NRXN3: variants seen among roughly 807,000 people sequenced by gnomAD.
NRXN3 encodes the protein neurexin 3, also known as neurexin III.
Under a neutral mutation model 137.6 loss-of-function variants are expected in NRXN3, and 32 were observed. The observed-to-expected ratio is 0.23, with a 90% CI of 0.18 to 0.31. NRXN3 has a LOEUF of 0.31. NRXN3 is among the 10% of genes least tolerant of loss of function. The probability of loss-of-function intolerance (pLI) is 1.00; values close to 1 mark genes in which losing one functional copy is unlikely to be tolerated. For synonymous variants in NRXN3, 798 were observed against 784.5 expected, an observed-to-expected ratio of 1.02 and a Z score of -0.29; for missense variants, 1,574 against 2,062.5, an observed-to-expected ratio of 0.76 and a Z score of 4.59.
rs2099416145 is a variant in NRXN3, at chr14:79,863,413, ATGT to A, written c.*1454_*1456del. 6.6e-6 allele frequency: 1 copy of A among 152,136 alleles called. No individual in the cohort carries two copies. Among genetic ancestry groups the A allele is most frequent in the African/African-American group, 2.4e-5 (1 of 41,394 alleles). 9.4% of individuals were successfully genotyped at this position (152,136 alleles called of 1,614,324 possible). ...GTTAAAGTCTTAAAATGGAATGAGA[ATGT>A]TGTTTTAAAAGAAAATAGCAAAACA... On this transcript the variant is annotated 3_prime_UTR_variant, in exon 21 of 21. Coordinates refer to ENST00000335750, the MANE Select transcript of NRXN3 (RefSeq NM_001330195.2).
intron 15 of NRXN3, among the ~76,000 whole-genome samples, chr14:79,300,636 G>A (rs1023150375): frequency 3.9e-5 from 6 of 152,022 alleles, no homozygotes; most frequent in African/African-American, 1.4e-4. Flanking sequence ...TCCCAGAGAG[G>A]TATATAACAG....
At chr14:79,306,877 A>T (rs1163561521) in intron 15 of NRXN3, among the ~76,000 whole-genome samples, 2 of 152,100 alleles carry the variant, frequency 1.3e-5, no homozygotes, top group Non-Finnish European at 2.9e-5. Flanking sequence ...AACAGATTCT[A>T]GTTTTCCCCA....
chr14:78,488,097 C>T (rs933649726), intron 4 of NRXN3, among the ~76,000 whole-genome samples: 5 of 152,158 alleles, frequency 3.3e-5, no homozygotes, highest in Non-Finnish European at 7.3e-5. Flanking sequence ...CCATCTTTTT[C>T]CTGTGTCCTC....
intron 15 of NRXN3, among the ~76,000 whole-genome samples, chr14:79,376,124 A>G (rs960177201): frequency 6.8e-6 from 1 of 146,830 alleles, no homozygotes; most frequent in African/African-American, 2.5e-5. Context: ...ATATGTACAT[A>G]TATGTATTAT....
chr14:78,726,056 A>T (rs1454753895), intron 8 of NRXN3, among the ~76,000 whole-genome samples: 1 of 152,144 alleles, frequency 6.6e-6, no homozygotes, highest in Non-Finnish European at 1.5e-5. Flanking sequence ...GATATACTTT[A>T]CTACTCTCAG....
intron 15 of NRXN3, among the ~76,000 whole-genome samples, chr14:79,264,436 G>A (rs1392382217): frequency 6.6e-6 from 1 of 152,192 alleles, no homozygotes; most frequent in East Asian, 1.9e-4. Flanking sequence ...GGAAGTCCAA[G>A]CTTAAGGTGT....
At chr14:79,111,565 C>CCA (rs2053524212) in intron 15 of NRXN3, among the ~76,000 whole-genome samples, 1 of 151,916 alleles carries the variant, frequency 6.6e-6, no homozygotes, top group African/African-American at 2.4e-5. Flanking sequence ...ATGGTGAAAC[C>CCA]CCATCTCTAC....
chr14:78,540,883 G>A (rs2096583115), intron 4 of NRXN3, among the ~76,000 whole-genome samples: 1 of 152,266 alleles, frequency 6.6e-6, no homozygotes, highest in South Asian at 2.1e-4. Context: ...ATGAAGCTTA[G>A]TTTGGCTGGA....
intron 20 of NRXN3, among the ~76,000 whole-genome samples, chr14:79,825,416 G>T (rs2141128372): frequency 6.6e-6 from 1 of 152,162 alleles, no homozygotes; most frequent in East Asian, 1.9e-4. Flanking sequence ...GTGAAGCTAG[G>T]AGAGTTAATG....
chr14:78,913,056 C>T (rs1490524220), intron 10 of NRXN3, among the ~76,000 whole-genome samples: 1 of 151,934 alleles, frequency 6.6e-6, no homozygotes, highest in Admixed American at 6.6e-5. Context: ...ATAGAGTATA[C>T]ATTTTAAGAG....
chr14:79,596,059 T>C (rs920697596), intron 16 of NRXN3, among the ~76,000 whole-genome samples: 1 of 151,984 alleles, frequency 6.6e-6, no homozygotes, highest in Non-Finnish European at 1.5e-5. Flanking sequence ...TTTTTTTTTT[T>C]TTGGTCTTTT....
intron 16 of NRXN3, among the ~76,000 whole-genome samples, chr14:79,594,746 T>C (rs1435505485): frequency 1.3e-5 from 2 of 152,070 alleles, no homozygotes; most frequent in African/African-American, 4.8e-5. Flanking sequence ...AAACAGTGGC[T>C]GAAAAGGAGA....
chr14:79,437,230 G>A (rs763511920), intron 15 of NRXN3, among the ~76,000 whole-genome samples: 15 of 151,886 alleles, frequency 9.9e-5, no homozygotes, highest in Admixed American at 4.6e-4. Context: ...ATACCTCAGC[G>A]CTTTCATGCA....
chr14:79,269,089 G>A (rs1429146471), intron 15 of NRXN3, among the ~76,000 whole-genome samples: 2 of 148,582 alleles, frequency 1.3e-5, no homozygotes, highest in African/African-American at 2.5e-5. Context: ...TCGCTCTGTC[G>A]CCAAGGCTGG....
intron 15 of NRXN3, among the ~76,000 whole-genome samples, chr14:79,414,262 A>G (rs2095464586): frequency 6.6e-6 from 1 of 152,162 alleles, no homozygotes; most frequent in Non-Finnish European, 1.5e-5. Context: ...TCAGCATCCT[A>G]TAACTTGATG....
chr14:78,704,738 G>C (rs2098328433), intron 6 of NRXN3, among the ~76,000 whole-genome samples: 1 of 152,150 alleles, frequency 6.6e-6, no homozygotes, highest in South Asian at 2.1e-4. Context: ...GGGCAAGTAT[G>C]TATCCCTGCT....
At chr14:78,182,086 T>C (rs2059852849) in intron 1 of NRXN3, among the ~76,000 whole-genome samples, 1 of 137,602 alleles carries the variant, frequency 7.3e-6, no homozygotes, top group African/African-American at 2.6e-5. Context: ...GCACTGAGAA[T>C]TAGAGAGACC....
intron 15 of NRXN3, among the ~76,000 whole-genome samples, chr14:79,449,452 C>G (rs1350561089): frequency 6.6e-6 from 1 of 152,000 alleles, no homozygotes; most frequent in Admixed American, 6.6e-5. Context: ...CCATAAAGCT[C>G]AAAGCAAATC....
At chr14:78,823,095 A>G (rs2098955875) in intron 10 of NRXN3, among the ~76,000 whole-genome samples, 1 of 152,216 alleles carries the variant, frequency 6.6e-6, no homozygotes, top group Non-Finnish European at 1.5e-5. Context: ...TTAGAGATGC[A>G]TAGAAGATGA....
Sources: allele counts gnomAD v4.1 joint callset (sites outside exome capture counted in the v4.1 genomes callset), GRCh38; gene constraint gnomAD v4.1.1; transcripts MANE v1.5; gene names NCBI Gene and HGNC (gene_info 2026-07-23, HGNC 2026-07-21).